The following GNA12 variants were observed in gnomAD, a reference collection of about 807,000 sequenced individuals.
The protein encoded by GNA12 is guanine nucleotide-binding protein subunit alpha-12.
Under a neutral mutation model 26.0 loss-of-function variants are expected in GNA12, and 9 were observed. That is an observed-to-expected ratio of 0.35 (90% CI 0.21 to 0.60). GNA12 has a LOEUF of 0.60. GNA12 is among the 20% of genes least tolerant of loss of function. The pLI is 0.78. For synonymous variants in GNA12, 264 were observed against 219.6 expected (o/e 1.20, Z -1.79); for missense variants, 405 against 525.8 (o/e 0.77, Z 2.25).
At chr7:2,760,739 A>T (rs1346031374) in intron 2 of GNA12, among the ~76,000 whole-genome samples, 1 of 152,168 alleles carries the variant, frequency 6.6e-6, no homozygotes, top group Non-Finnish European at 1.5e-5. Flanking sequence ...TTTAGCTACG[A>T]CCATTTCTAA....
chr7:2,789,130 A>ATTTTTTTT (rs1583283001), intron 2 of GNA12, among the ~76,000 whole-genome samples: 5 of 74,154 alleles, frequency 6.7e-5, no homozygotes, highest in Non-Finnish European at 1.1e-4. Flanking sequence ...CCCTTCAGGC[A>ATTTTTTTT]TCTTTTTTTT....
intron 1 of GNA12, among the ~76,000 whole-genome samples, chr7:2,827,142 CATATT>C (rs1003495398): frequency 5.3e-5 from 8 of 152,126 alleles, no homozygotes; most frequent in African/African-American, 1.7e-4. Context: ...CAAAAGGTCA[CATATT>C]ATATGATTCC....
chr7:2,757,128 C>CTT (rs1562409543), intron 2 of GNA12, among the ~76,000 whole-genome samples: 1,384 of 114,610 alleles, frequency 0.012, 40 homozygotes, highest in Non-Finnish European at 0.016. Flanking sequence ...ATCAGGTGGG[C>CTT]CTTTTTTTTT....
intron 2 of GNA12, among the ~76,000 whole-genome samples, chr7:2,789,132 C>CTA (rs1202789852): frequency 4.1e-5 from 3 of 72,822 alleles, no homozygotes; most frequent in Non-Finnish European, 5.4e-5. Flanking sequence ...CTTCAGGCAT[C>CTA]TTTTTTTTTT....
intron 2 of GNA12, among the ~76,000 whole-genome samples, chr7:2,766,859 G>GC (rs1460806509): frequency 5.9e-5 from 9 of 152,152 alleles, no homozygotes; most frequent in Non-Finnish European, 2.9e-5. Flanking sequence ...CACCAACAGT[G>GC]CACAAGGGTT....
At chr7:2,758,935 G>A (rs1791426833) in intron 2 of GNA12, among the ~76,000 whole-genome samples, 1 of 152,084 alleles carries the variant, frequency 6.6e-6, no homozygotes, top group African/African-American at 2.4e-5. Context: ...GAGGTCAGGA[G>A]TTCGAGACCA....
Position 2,807,753 on chromosome 7 carries a change from A to G in GNA12, c.310-12610T>C, listed in dbSNP as rs570078746. ...ATTACTACTGCAGAAAATAAACTCAATGGTAACTTCAACAGCACCAAAAAC... is the reference window on the plus strand; with the variant it reads ...ATTACTACTGCAGAAAATAAACTCAGTGGTAACTTCAACAGCACCAAAAAC... On this transcript the variant is annotated intron_variant, in intron 1 of 3. Transcript: ENST00000275364. Among the ~76,000 whole-genome samples the G allele has an allele frequency of 3.3e-5, 5 of 152,354 alleles. No homozygotes were observed. The East Asian group carries it at 9.6e-4, about 29-fold the overall frequency.
At chr7:2,791,917 T>C (rs2533887) in intron 2 of GNA12, among the ~76,000 whole-genome samples, 5 of 152,220 alleles carry the variant, frequency 3.3e-5, no homozygotes. Flanking sequence ...ATAACAGTCA[T>C]GCACCCACCA....
chr7:2,771,327 G>C (rs1019503591), intron 2 of GNA12, among the ~76,000 whole-genome samples: 1 of 151,948 alleles, frequency 6.6e-6, no homozygotes, highest in South Asian at 2.1e-4. Context: ...AAACGAAACC[G>C]CACATAGTGA....
chr7:2,773,107 G>A (rs555236883), intron 2 of GNA12, among the ~76,000 whole-genome samples: 4 of 152,260 alleles, frequency 2.6e-5, no homozygotes, highest in Non-Finnish European at 5.9e-5. Context: ...GTCACCAGGA[G>A]GAGTGGTATC....
chr7:2,826,041 G>C (rs1465369094), intron 1 of GNA12, among the ~76,000 whole-genome samples: 2 of 151,982 alleles, frequency 1.3e-5, no homozygotes, highest in African/African-American at 4.8e-5. Context: ...CCCTGCTCTG[G>C]GAATGCAAAC....
At chr7:2,794,888 C>CG in intron 2 of GNA12, 40 bp downstream of exon 2, 1 of 1,402,326 alleles carries the variant, frequency 7.1e-7, no homozygotes, top group Non-Finnish European at 1.0e-6. Flanking sequence ...ATGTAAAAAA[C>CG]ACACTATCAG....
At chr7:2,819,611 A>G (rs1476272122) in intron 1 of GNA12, among the ~76,000 whole-genome samples, 2 of 152,210 alleles carry the variant, frequency 1.3e-5, no homozygotes, top group East Asian at 3.8e-4. Context: ...AAAATGGGCA[A>G]AGGATCTGTA....
At chr7:2,756,246 C>T (rs1174586558) in intron 2 of GNA12, among the ~76,000 whole-genome samples, 1 of 151,926 alleles carries the variant, frequency 6.6e-6, no homozygotes, top group African/African-American at 2.4e-5. Context: ...GTGATCTGCA[C>T]ATAACTTAAA....
At chr7:2,840,108 G>C (rs10256492) in intron 1 of GNA12, among the ~76,000 whole-genome samples, 124 of 152,306 alleles carry the variant, frequency 8.1e-4, no homozygotes, top group African/African-American at 2.8e-3. Context: ...GCTCTGTATC[G>C]TGACTGTATC....
At chr7:2,816,263 T>C (rs558677776) in intron 1 of GNA12, among the ~76,000 whole-genome samples, 24 of 143,298 alleles carry the variant, frequency 1.7e-4, no homozygotes, top group Middle Eastern at 3.6e-3. Flanking sequence ...ATAGTCTTGA[T>C]CTCGCCGCCC....
In GNA12 at chr7:2,794,962, C is replaced by A; in HGVS notation, c.491G>T (p.Arg164Met). 1 of 1,614,224 alleles carries A rather than the reference C, an allele frequency of 6.2e-7. No individual in the cohort carries two copies. Among genetic ancestry groups the A allele is most frequent in the Non-Finnish European group, 8.5e-7 (1 of 1,180,028 alleles). ...LSALWRDSGI[R>M]EAFSRRSEFQ... ...CTCGCTTCTCCGGCTGAAAGCCTCC[C>A]TGATGCCAGAATCCCTCCAGAGTGC... is the stretch of plus-strand genomic sequence containing the variant. Residue 164 changes from arginine (R) to methionine (M), a missense_variant, in exon 2 of 4, where the codon AGG becomes ATG. Transcript: ENST00000275364.
intron 2 of GNA12, among the ~76,000 whole-genome samples, chr7:2,735,723 ATC>A (rs948666176): frequency 6.6e-6 from 1 of 152,152 alleles, no homozygotes; most frequent in African/African-American, 2.4e-5. Context: ...AGGAAAACTT[ATC>A]TGTGACTCTC....
intron 1 of GNA12, among the ~76,000 whole-genome samples, chr7:2,827,775 G>A (rs909360114): frequency 3.3e-5 from 5 of 152,186 alleles, no homozygotes; most frequent in South Asian, 4.1e-4. Context: ...AAATATTCAT[G>A]TATATCTATC....
Sources: gnomAD v4.1 joint callset for allele counts (sites outside exome capture counted in the v4.1 genomes callset) on GRCh38, gnomAD v4.1.1 for gene constraint, MANE v1.5 for transcripts, NCBI Gene and HGNC (gene_info 2026-07-23, HGNC 2026-07-21) for gene names.